SLC2A13: variants seen among roughly 807,000 people sequenced by gnomAD.
The protein encoded by SLC2A13 is proton myo-inositol cotransporter.
In SLC2A13, 32 loss-of-function variants were observed where a neutral mutation model predicts 64.4. That is an observed-to-expected ratio of 0.50 (90% CI 0.37 to 0.67). SLC2A13 has a LOEUF of 0.67. Among genes scored for constraint, SLC2A13 ranks in the 30% least tolerant of loss-of-function variants. The probability of loss-of-function intolerance (pLI) is 0.00; values close to 1 mark genes in which losing one functional copy is unlikely to be tolerated. For missense variants in SLC2A13, 743 were observed against 829.2 expected (o/e 0.90, Z 1.28); for synonymous variants, 338 against 327.1 (o/e 1.03, Z -0.36).
chr12:39,925,488 T>A (rs551349694), intron 4 of SLC2A13, among the ~76,000 whole-genome samples: 1 of 152,306 alleles, frequency 6.6e-6, no homozygotes, highest in African/African-American at 2.4e-5. Context: ...CACTTCTCAA[T>A]GACTTCAGTT....
At chr12:39,881,011 A>G (rs1035598133) in intron 4 of SLC2A13, among the ~76,000 whole-genome samples, 4 of 152,234 alleles carry the variant, frequency 2.6e-5, no homozygotes, top group Non-Finnish European at 4.4e-5. Context: ...AACAGGTTAC[A>G]TGTGATTGTT....
intron 4 of SLC2A13, among the ~76,000 whole-genome samples, chr12:39,926,074 A>G (rs1382560720): frequency 6.6e-6 from 1 of 152,176 alleles, no homozygotes; most frequent in Non-Finnish European, 1.5e-5. Context: ...AAGTACTCAT[A>G]ACACTGAAGC....
intron 4 of SLC2A13, among the ~76,000 whole-genome samples, chr12:39,884,566 C>T (rs933273401): frequency 3.9e-5 from 6 of 152,090 alleles, no homozygotes; most frequent in African/African-American, 1.2e-4. Context: ...TTATTCAGGA[C>T]GTACTATGTG....
At chr12:39,771,550 C>A (rs951335285) in intron 7 of SLC2A13, among the ~76,000 whole-genome samples, 1 of 152,106 alleles carries the variant, frequency 6.6e-6, no homozygotes, top group Non-Finnish European at 1.5e-5. Flanking sequence ...TAGAGGAAAC[C>A]ATAGCTCCAG....
At chr12:39,899,036 G>A (rs1335441572) in intron 4 of SLC2A13, among the ~76,000 whole-genome samples, 1 of 151,994 alleles carries the variant, frequency 6.6e-6, no homozygotes, top group African/African-American at 2.4e-5. Context: ...CTATTGATTG[G>A]AATAGTTTCA....
Position 40,105,611 on chromosome 12 carries a change from G to T in SLC2A13, c.198C>A (p.Arg66=). The T allele has an allele frequency of 6.6e-7, 1 of 1,517,542 alleles. No homozygotes were observed. Among genetic ancestry groups the T allele is most frequent in the Non-Finnish European group, 8.8e-7 (1 of 1,135,006 alleles). 94.0% of individuals were successfully genotyped at this position (1,517,542 alleles called of 1,614,324 possible). A position where few individuals can be genotyped will look rare whatever the true frequency, so the allele number is the denominator to read the frequency against. ...CCTGCTGGAACTGCCGCCGCGCCGC[G>T]CGCTCCAGGTCCCCGACGCCGCCGC... ...AGGGGVGDLE[R]AARRQFQQDE... is the part of the protein sequence containing the mutation. The change falls in exon 1 of 10, where the codon CGC becomes CGA. Residue 66 remains arginine (R), a synonymous_variant. Coordinates refer to ENST00000280871, the MANE Select transcript of SLC2A13 (RefSeq NM_052885.4). This position sits in a 1 kb window ranked among gnomAD's most constrained non-coding sequence, Gnocchi z 4.2.
chr12:39,952,531 G>T (rs1358592269), intron 3 of SLC2A13, among the ~76,000 whole-genome samples: 1 of 152,112 alleles, frequency 6.6e-6, no homozygotes, highest in Non-Finnish European at 1.5e-5. Context: ...TCAAGCCAGG[G>T]CATTAATTAG....
intron 7 of SLC2A13, among the ~76,000 whole-genome samples, chr12:39,789,634 C>T (rs780021138): frequency 7.4e-4 from 112 of 152,182 alleles, no homozygotes; most frequent in South Asian, 2.1e-3. Context: ...CAAACTGTGT[C>T]GTAAGAAGTT....
Position 39,938,762 on chromosome 12 carries a change from C to T in SLC2A13, c.1034+12495G>A, listed in dbSNP as rs934937762. Among the ~76,000 whole-genome samples the T allele has an allele frequency of 6.0e-4, 91 of 150,842 alleles. 1 individual carries two copies. The highest frequency in any genetic ancestry group is 1.3e-4 in the Non-Finnish European group (9 of 67,894). ...TAAGAAAGTTCACATCCATATTGTGCTAACTTATTTTTACACATATTTGGA... is the reference window on the plus strand; with the variant it reads ...TAAGAAAGTTCACATCCATATTGTGTTAACTTATTTTTACACATATTTGGA... On this transcript the variant is annotated intron_variant, in intron 4 of 9. Transcript: ENST00000280871.
Position 39,864,875 on chromosome 12 carries a change from G to A in SLC2A13, c.1206C>T (p.Thr402=), listed in dbSNP as rs143649180. The part of the protein sequence containing the change: ...KLTFGSLAGT[T]VALIILALGF... ...CCAAGGCAAGAATAATGAGTGCTACGGTGGTACCTTAAAAAAAAAAAGTTT... is the reference window on the plus strand; with the variant it reads ...CCAAGGCAAGAATAATGAGTGCTACAGTGGTACCTTAAAAAAAAAAAGTTT... Residue 402 remains threonine (T), a synonymous_variant, in exon 6 of 10, where the codon ACC becomes ACT. Transcript: ENST00000280871. 89 of 1,607,428 alleles carry A rather than the reference G, an allele frequency of 5.5e-5. No individual in the cohort carries two copies. In the African/African-American group the frequency reaches 8.3e-4, roughly 15 times the overall value.
intron 4 of SLC2A13, among the ~76,000 whole-genome samples, chr12:39,915,477 C>T (rs1383582921): frequency 1.3e-5 from 2 of 151,924 alleles, no homozygotes; most frequent in Non-Finnish European, 2.9e-5. Flanking sequence ...GGGGCAAGAT[C>T]AGATATCTGA....
chr12:40,100,821 G>A (rs1398039245), intron 1 of SLC2A13, among the ~76,000 whole-genome samples: 1 of 151,838 alleles, frequency 6.6e-6, no homozygotes, highest in Non-Finnish European at 1.5e-5. Flanking sequence ...AAAATTAGCT[G>A]GGTGTGGTGG....
At chr12:39,943,523 T>G (rs370257915) in intron 4 of SLC2A13, among the ~76,000 whole-genome samples, 1 of 152,148 alleles carries the variant, frequency 6.6e-6, no homozygotes, top group African/African-American at 2.4e-5. Flanking sequence ...ATCTGCCCAG[T>G]TGGAACTTCC....
intron 3 of SLC2A13, among the ~76,000 whole-genome samples, chr12:40,026,585 C>A (rs1947811361): frequency 6.6e-6 from 1 of 152,126 alleles, no homozygotes; most frequent in Non-Finnish European, 1.5e-5. Context: ...GAAGCTATAT[C>A]CTTAATGCTT....
chr12:39,819,044 T>C (rs1411418035), intron 7 of SLC2A13, among the ~76,000 whole-genome samples: 3 of 152,130 alleles, frequency 2.0e-5, no homozygotes, highest in Non-Finnish European at 4.4e-5. Context: ...GACAACCGCT[T>C]GCACCCCACA....
chr12:39,992,727 T>C (rs1449176417), intron 3 of SLC2A13, among the ~76,000 whole-genome samples: 1 of 152,148 alleles, frequency 6.6e-6, no homozygotes, highest in Non-Finnish European at 1.5e-5. Flanking sequence ...GTGTATGTCA[T>C]TATAGTTTAC....
At chr12:39,907,776 A>C (rs1412616156) in intron 4 of SLC2A13, 1 of 152,160 alleles carries the variant, frequency 6.6e-6, no homozygotes, top group African/African-American at 2.4e-5. Context: ...GTCTTGGATT[A>C]AATTATCTTA....
intron 4 of SLC2A13, among the ~76,000 whole-genome samples, chr12:39,897,595 C>T (rs1345443864): frequency 2.0e-5 from 3 of 152,084 alleles, no homozygotes; most frequent in African/African-American, 7.2e-5. Flanking sequence ...ATGGCAGGAA[C>T]CAACCACATG....
intron 3 of SLC2A13, among the ~76,000 whole-genome samples, chr12:39,994,128 G>A (rs1454674246): frequency 1.3e-5 from 2 of 152,022 alleles, no homozygotes; most frequent in Admixed American, 6.6e-5. Context: ...GGTGGCTCAC[G>A]CCTGTAATCC....
Sources: gnomAD v4.1 joint callset for allele counts (sites outside exome capture counted in the v4.1 genomes callset) on GRCh38, gnomAD v4.1.1 for gene constraint, Gnocchi (gnomAD v3.1) non-coding constraint, MANE v1.5 for transcripts, NCBI Gene and HGNC (gene_info 2026-07-23, HGNC 2026-07-21) for gene names.